DLGAP1: variants seen among roughly 807,000 people sequenced by gnomAD.
DLGAP1 encodes DLG associated protein 1, also known as disks large-associated protein 1.
In DLGAP1, 11 loss-of-function variants were observed where a neutral mutation model predicts 90.8. The ratio of observed to expected loss-of-function variants is 0.12; its 90% confidence interval spans 0.08 to 0.20. The LOEUF (loss-of-function observed/expected upper bound fraction) is 0.20. Among genes scored for constraint, DLGAP1 ranks in the 10% least tolerant of loss-of-function variants. The pLI is 1.00. For synonymous variants in DLGAP1, 558 were observed against 540.7 expected, an observed-to-expected ratio of 1.03 and a Z score of -0.44; for missense variants, 1,050 against 1,333.8, an observed-to-expected ratio of 0.79 and a Z score of 3.31.
chr18:4,008,771 G>A (rs138954352), intron 2 of DLGAP1, among the ~76,000 whole-genome samples: 150 of 152,176 alleles, frequency 9.9e-4, no homozygotes, highest in African/African-American at 3.5e-3. Flanking sequence ...TTTTGTATTC[G>A]TTTTTACTTT....
intron 8 of DLGAP1, among the ~76,000 whole-genome samples, chr18:3,571,893 T>C (rs900129135): frequency 6.6e-6 from 1 of 152,200 alleles, no homozygotes; most frequent in Non-Finnish European, 1.5e-5. Context: ...TTACATATTA[T>C]TTCTGAAGCT....
intron 2 of DLGAP1, among the ~76,000 whole-genome samples, chr18:4,069,051 G>A (rs1293723446): frequency 6.6e-6 from 1 of 152,114 alleles, no homozygotes; most frequent in Non-Finnish European, 1.5e-5. Context: ...TTTGGGGTTA[G>A]AGCTATTTAC....
rs147801801 is a variant in DLGAP1, at chr18:4,426,595, C to T, written c.-267+28411G>A. Among the ~76,000 whole-genome samples the T allele has an allele frequency of 4.6e-5, 7 of 152,292 alleles. No homozygotes were observed. In the South Asian group the frequency reaches 6.2e-4, roughly 14 times the overall value. ...TTGCTATTTGTTTCACAAGTTACTC[C>T]CTGTATGACTATGACAATTCTGTGC... On this transcript the variant is annotated intron_variant, in intron 1 of 12. Transcript: ENST00000315677.
At chr18:3,812,863 T>G (rs868858465) in intron 5 of DLGAP1, among the ~76,000 whole-genome samples, 3 of 152,346 alleles carry the variant, frequency 2.0e-5, no homozygotes, top group Middle Eastern at 6.8e-3. Flanking sequence ...TTTGTTTTAT[T>G]TTGCCTTTTA....
chr18:4,344,974 A>C (rs1329791754), intron 1 of DLGAP1, among the ~76,000 whole-genome samples: 1 of 152,160 alleles, frequency 6.6e-6, no homozygotes, highest in African/African-American at 2.4e-5. Flanking sequence ...AATATTCAAT[A>C]TCTCTCTGAT....
rs753107028 is a variant in DLGAP1, at chr18:3,497,487, C to T, written c.*1698G>A. On this transcript the variant is annotated 3_prime_UTR_variant, in exon 13 of 13. Transcript: ENST00000315677. ...TTCTCTAGTGGTTTTAGAATATGTC[C>T]GTGAAAATATCTGTTGCTAGAACCC... is the stretch of plus-strand genomic sequence containing the variant. 4 of 152,038 alleles carry T rather than the reference C, an allele frequency of 2.6e-5. No individual in the cohort carries two copies. Among genetic ancestry groups the T allele is most frequent in the Non-Finnish European group, 5.9e-5 (4 of 68,018 alleles). 9.4% of individuals were successfully genotyped at this position (152,038 alleles called of 1,614,324 possible).
chr18:3,732,155 A>G (rs1276602132), intron 6 of DLGAP1, among the ~76,000 whole-genome samples: 1 of 152,212 alleles, frequency 6.6e-6, no homozygotes, highest in African/African-American at 2.4e-5. Flanking sequence ...TGCTGATTTC[A>G]TACTCATGGT....
At chr18:4,385,588 C>T (rs7243401) in intron 1 of DLGAP1, among the ~76,000 whole-genome samples, 6,425 of 151,990 alleles carry the variant, frequency 0.042, 429 homozygotes, top group African/African-American at 0.15. Flanking sequence ...ATAAAACAAG[C>T]GCCATGGGAA....
intron 7 of DLGAP1, among the ~76,000 whole-genome samples, chr18:3,616,703 C>T (rs749849297): frequency 4.0e-5 from 6 of 151,842 alleles, no homozygotes; most frequent in Non-Finnish European, 7.4e-5. Flanking sequence ...TGCAGTGAGC[C>T]GTGATTGTGC....
At chr18:3,694,349 T>C (rs1249638872) in intron 7 of DLGAP1, among the ~76,000 whole-genome samples, 1 of 152,182 alleles carries the variant, frequency 6.6e-6, no homozygotes, top group Non-Finnish European at 1.5e-5. Context: ...AATAAACATA[T>C]GTGTGCATGT....
At chr18:3,787,480 C>CA (rs1189558362) in intron 5 of DLGAP1, among the ~76,000 whole-genome samples, 53 of 63,802 alleles carry the variant, frequency 8.3e-4, no homozygotes, top group African/African-American at 2.0e-3. Context: ...AACTCCATCT[C>CA]AAAAAAAAAA....
At chr18:4,284,123 G>A (rs2079622563) in intron 1 of DLGAP1, among the ~76,000 whole-genome samples, 1 of 150,236 alleles carries the variant, frequency 6.7e-6, no homozygotes, top group Admixed American at 6.7e-5. Flanking sequence ...AATGCACTAT[G>A]ATTATAGGTG....
chr18:4,304,037 CT>C (rs1486407218), intron 1 of DLGAP1, among the ~76,000 whole-genome samples: 3 of 152,202 alleles, frequency 2.0e-5, no homozygotes, highest in Non-Finnish European at 2.9e-5. Flanking sequence ...ATGCTTTCCC[CT>C]ATCAGACATA....
At chr18:4,236,793 C>T (rs1012633415) in intron 1 of DLGAP1, among the ~76,000 whole-genome samples, 2 of 152,048 alleles carry the variant, frequency 1.3e-5, no homozygotes, top group Non-Finnish European at 2.9e-5. Flanking sequence ...CATGTCTCTA[C>T]CAGTCGCCAG....
chr18:4,154,545 G>A (rs564874694), intron 1 of DLGAP1, among the ~76,000 whole-genome samples: 1 of 152,044 alleles, frequency 6.6e-6, no homozygotes, highest in Non-Finnish European at 1.5e-5. Context: ...TGAGAGTGCG[G>A]AGAAGGAAGA....
intron 2 of DLGAP1, among the ~76,000 whole-genome samples, chr18:4,080,092 G>C (rs1399528509): frequency 6.6e-6 from 1 of 152,136 alleles, no homozygotes; most frequent in Non-Finnish European, 1.5e-5. Flanking sequence ...TCTAGTGAAA[G>C]AGCTATGTTC....
At position 4,031,617 on chromosome 18, in the gene DLGAP1, A is replaced by C. The variant is rs578203776; in HGVS notation, c.-158-26416T>G. On this transcript the variant is annotated intron_variant, in intron 2 of 12. Coordinates refer to ENST00000315677, the MANE Select transcript of DLGAP1 (RefSeq NM_004746.4). ...AACCACAGGGGTGGCTGGGTAGTTT[A>C]AAGAGTAATCTTCAGTAAGGTGCAT... Among the ~76,000 whole-genome samples the C allele has an allele frequency of 6.6e-5, 10 of 152,332 alleles. No homozygotes were observed. In the East Asian group the frequency reaches 1.9e-3, roughly 29 times the overall value.
At chr18:3,671,178 T>G (rs1172238058) in intron 7 of DLGAP1, among the ~76,000 whole-genome samples, 3 of 121,184 alleles carry the variant, frequency 2.5e-5, no homozygotes, top group Non-Finnish European at 3.2e-5. Flanking sequence ...CCTTTGCTCT[T>G]TGCTGCTTTT....
intron 7 of DLGAP1, among the ~76,000 whole-genome samples, chr18:3,716,762 C>T (rs1242446944): frequency 6.6e-6 from 1 of 151,838 alleles, no homozygotes; most frequent in Non-Finnish European, 1.5e-5. Context: ...GGATACTGTT[C>T]CCATGTCCTG....
Sources: allele counts gnomAD v4.1 joint callset (sites outside exome capture counted in the v4.1 genomes callset), GRCh38; gene constraint gnomAD v4.1.1; transcripts MANE v1.5; gene names NCBI Gene and HGNC (gene_info 2026-07-23, HGNC 2026-07-21).